The following GALNTL6 variants were observed in gnomAD, a reference collection of about 807,000 sequenced individuals.
The protein encoded by GALNTL6 is polypeptide N-acetylgalactosaminyltransferase like 6.
A neutral mutation model predicts 73.7 loss-of-function variants in GALNTL6; 46 were observed. That is an observed-to-expected ratio of 0.62 (90% CI 0.49 to 0.80). GALNTL6 has a LOEUF of 0.80. Ranked by LOEUF, GALNTL6 falls within the 30% of genes least tolerant of loss-of-function variation. GALNTL6 has a pLI of 0.00. For missense variants in GALNTL6, 604 were observed against 755.0 expected, an observed-to-expected ratio of 0.80 and a Z score of 2.34; for synonymous variants, 259 against 263.7, an observed-to-expected ratio of 0.98 and a Z score of 0.17.
At chr4:172,458,274 A>T (rs925949192) in intron 5 of GALNTL6, among the ~76,000 whole-genome samples, 3 of 151,916 alleles carry the variant, frequency 2.0e-5, no homozygotes, top group African/African-American at 7.3e-5. Flanking sequence ...ACCAGGAAAG[A>T]TCTAAAATTG....
At chr4:172,318,592 C>T (rs1222409740) in intron 4 of GALNTL6, among the ~76,000 whole-genome samples, 1 of 151,976 alleles carries the variant, frequency 6.6e-6, no homozygotes, top group Non-Finnish European at 1.5e-5. Flanking sequence ...ATCCCAGCTA[C>T]TCTGGAGGCT....
At chr4:172,495,248 A>G (rs545239157) in intron 5 of GALNTL6, among the ~76,000 whole-genome samples, 1 of 152,330 alleles carries the variant, frequency 6.6e-6, no homozygotes, top group African/African-American at 2.4e-5. Context: ...TCTATGACAA[A>G]GCAAGAAGAA....
chr4:172,717,877 G>C (rs955582718), intron 5 of GALNTL6, among the ~76,000 whole-genome samples: 1 of 152,172 alleles, frequency 6.6e-6, no homozygotes, highest in Non-Finnish European at 1.5e-5. Flanking sequence ...TCTCCTTTCA[G>C]AGATTAAGGG....
Position 171,814,677 on chromosome 4 carries a change from G to T in GALNTL6, c.97G>T (p.Asp33Tyr), listed in dbSNP as rs1414243665. The T allele has an allele frequency of 6.2e-7, 1 of 1,614,028 alleles. No homozygotes were observed. The highest frequency in any genetic ancestry group is 8.5e-7 in the Non-Finnish European group (1 of 1,180,040). The change falls in exon 2 of 13, where the codon GAT (aspartate) becomes TAT (tyrosine). Residue 33 changes from aspartate to tyrosine, a missense_variant. By Grantham distance (160) the Asp-to-Tyr change is radical. Transcript: ENST00000506823. Reference protein sequence around the residue: ...PNVGLWSLYKDKHLVKSAEPG... With the variant: ...PNVGLWSLYKYKHLVKSAEPG... The stretch of plus-strand genomic sequence containing the variant: ...CGTTGGTCTCTGGTCTCTGTACAAG[G>T]ATAAGCACCTGGTGAAGTCAGCGGA...
intron 2 of GALNTL6, among the ~76,000 whole-genome samples, chr4:172,178,248 G>A (rs1735110546): frequency 6.6e-6 from 1 of 152,112 alleles, no homozygotes; most frequent in African/African-American, 2.4e-5. Flanking sequence ...TATATCATAA[G>A]CATTAAACAA....
intron 5 of GALNTL6, among the ~76,000 whole-genome samples, chr4:172,637,231 A>G (rs558874055): frequency 2.6e-5 from 4 of 152,334 alleles, no homozygotes; most frequent in Admixed American, 6.5e-5. Context: ...GTTTAGAATA[A>G]TAAAATGATA....
chr4:172,394,344 T>C (rs1743769703), intron 5 of GALNTL6, among the ~76,000 whole-genome samples: 1 of 151,964 alleles, frequency 6.6e-6, no homozygotes, highest in Non-Finnish European at 1.5e-5. Context: ...GTTTCTTTGA[T>C]GTAACACATG....
At chr4:172,519,097 T>TACACAC (rs138699256) in intron 5 of GALNTL6, among the ~76,000 whole-genome samples, 2 of 149,006 alleles carry the variant, frequency 1.3e-5, no homozygotes, top group African/African-American at 4.9e-5. Context: ...TATATGTATA[T>TACACAC]ACACACACAC....
intron 7 of GALNTL6, among the ~76,000 whole-genome samples, chr4:172,868,249 C>G (rs1744758373): frequency 6.6e-6 from 1 of 152,180 alleles, no homozygotes; most frequent in Non-Finnish European, 1.5e-5. Context: ...ATGCAAAAAT[C>G]ACAGGCTTTT....
intron 5 of GALNTL6, among the ~76,000 whole-genome samples, chr4:172,744,925 T>C (rs980795470): frequency 6.6e-6 from 1 of 151,976 alleles, no homozygotes; most frequent in African/African-American, 2.4e-5. Context: ...ATGCAACATT[T>C]ATTAGGGAAC....
intron 11 of GALNTL6, among the ~76,000 whole-genome samples, chr4:173,015,099 A>T (rs1293030709): frequency 6.6e-6 from 1 of 152,056 alleles, no homozygotes; most frequent in Non-Finnish European, 1.5e-5. Flanking sequence ...GTGACGATGG[A>T]TGTGTTTGCT....
intron 3 of GALNTL6, among the ~76,000 whole-genome samples, chr4:172,257,294 C>T (rs1738113382): frequency 6.6e-6 from 1 of 151,264 alleles, no homozygotes; most frequent in Non-Finnish European, 1.5e-5. Context: ...TATCTCCCTC[C>T]AAACTTAAAA....
In GALNTL6 at chr4:172,917,551, C is replaced by T. The variant is rs181791316; in HGVS notation, c.1042-13610C>T. Among the ~76,000 whole-genome samples the T allele has an allele frequency of 4.8e-4, 73 of 151,774 alleles. No individual in the cohort carries two copies. The East Asian group carries it at 0.012, about 25-fold the overall frequency. On this transcript the variant is annotated intron_variant, in intron 8 of 12. Coordinates refer to ENST00000506823, the MANE Select transcript of GALNTL6 (RefSeq NM_001034845.3). ...TGCAAAGAACTCAAACAAATTTACA[C>T]GAAAAAAACAAACAACCCCATCAAA...
chr4:172,462,055 T>C (rs1561094049), intron 5 of GALNTL6, among the ~76,000 whole-genome samples: 1 of 152,138 alleles, frequency 6.6e-6, no homozygotes, highest in Non-Finnish European at 1.5e-5. Flanking sequence ...TCTTCTCTTG[T>C]GTTTGGATAT....
intron 2 of GALNTL6, among the ~76,000 whole-genome samples, chr4:171,961,931 A>G (rs1739230662): frequency 6.6e-6 from 1 of 152,164 alleles, no homozygotes; most frequent in Admixed American, 6.5e-5. Context: ...TGTGGAATAT[A>G]TTGCTGTTGT....
At chr4:172,788,018 G>C (rs561883554) in intron 5 of GALNTL6, among the ~76,000 whole-genome samples, 1 of 152,206 alleles carries the variant, frequency 6.6e-6, no homozygotes, top group South Asian at 2.1e-4. Flanking sequence ...TAGTTTATCT[G>C]GTGTAGAGGA....
At chr4:172,514,669 C>A (rs1734539208) in intron 5 of GALNTL6, among the ~76,000 whole-genome samples, 1 of 152,218 alleles carries the variant, frequency 6.6e-6, no homozygotes, top group South Asian at 2.1e-4. Context: ...TTCCTTCTTC[C>A]TGTAGTCTTT....
intron 5 of GALNTL6, among the ~76,000 whole-genome samples, chr4:172,583,715 C>A (rs1453793858): frequency 3.3e-5 from 5 of 151,846 alleles, no homozygotes; most frequent in Admixed American, 1.3e-4. Context: ...GCCTGACCAA[C>A]ATGGTGAAAC....
chr4:172,296,375 T>A (rs879531600), intron 3 of GALNTL6, among the ~76,000 whole-genome samples: 1 of 152,212 alleles, frequency 6.6e-6, no homozygotes, highest in Non-Finnish European at 1.5e-5. Context: ...CTGATTTTTT[T>A]ATTATACTTT....
Sources: gnomAD v4.1 joint callset for allele counts (sites outside exome capture counted in the v4.1 genomes callset) on GRCh38, gnomAD v4.1.1 for gene constraint, MANE v1.5 for transcripts, NCBI Gene and HGNC (gene_info 2026-07-23, HGNC 2026-07-21) for gene names.